Variants in CAMK1D observed in about 807,000 individuals in gnomAD.
The protein encoded by CAMK1D is calcium/calmodulin-dependent protein kinase type 1D.
CAMK1D carries 9 observed loss-of-function variants against 47.7 expected under a neutral mutation model. The ratio of observed to expected loss-of-function variants is 0.19; its 90% CI spans 0.11 to 0.33. CAMK1D has a LOEUF of 0.33. CAMK1D is among the 10% of genes least tolerant of loss of function. The pLI, the probability that CAMK1D is intolerant of heterozygous loss-of-function variation, is 1.00. For synonymous variants in CAMK1D, 184 were observed against 184.9 expected (o/e 0.99, Z 0.04); for missense variants, 291 against 488.7 (o/e 0.60, Z 3.81).
rs554696737 is a variant in CAMK1D, at chr10:12,745,728, G to A, written c.300-15220G>A. Among the ~76,000 whole-genome samples, 7 of 151,418 alleles carry A rather than the reference G, an allele frequency of 4.6e-5. No individual in the cohort carries two copies. In the South Asian group the frequency reaches 6.3e-4, roughly 14 times the overall value. On this transcript the variant is annotated intron_variant, in intron 3 of 10. Coordinates refer to ENST00000619168, the MANE Select transcript of CAMK1D (RefSeq NM_153498.4). ...AACGATTCTCCTGTCTCGGCCTCCCGAGTAGCTGGGATTACAGGTGCCCGC... is the reference window on the plus strand; with the variant it reads ...AACGATTCTCCTGTCTCGGCCTCCCAAGTAGCTGGGATTACAGGTGCCCGC...
chr10:12,546,594 A>G (rs1836379022), intron 1 of CAMK1D, among the ~76,000 whole-genome samples: 2 of 152,118 alleles, frequency 1.3e-5, no homozygotes, highest in Non-Finnish European at 2.9e-5. Flanking sequence ...GATTAAGAAA[A>G]TGTGGCACAT....
intron 1 of CAMK1D, among the ~76,000 whole-genome samples, chr10:12,395,992 G>A (rs564186356): frequency 1.3e-5 from 2 of 151,220 alleles, no homozygotes; most frequent in South Asian, 4.3e-4. Flanking sequence ...TCCTGCCTCA[G>A]CCTCCCGAGT....
At chr10:12,508,486 T>TG (rs1308114204) in intron 1 of CAMK1D, among the ~76,000 whole-genome samples, 1 of 152,092 alleles carries the variant, frequency 6.6e-6, no homozygotes, top group Non-Finnish European at 1.5e-5. Context: ...TACCAGGGAC[T>TG]GGGGGGAAGG....
At chr10:12,694,509 A>ATATAAAATATATATGATATATATTATG (rs1174224363) in intron 3 of CAMK1D, among the ~76,000 whole-genome samples, 1 of 78,930 alleles carries the variant, frequency 1.3e-5, no homozygotes, top group Non-Finnish European at 2.3e-5. Context: ...AATATATATT[A>ATATAAAATATATATGATATATATTATG]TATAAAATAT....
intron 2 of CAMK1D, among the ~76,000 whole-genome samples, chr10:12,584,831 A>G (rs1837768576): frequency 6.6e-6 from 1 of 152,060 alleles, no homozygotes; most frequent in Admixed American, 6.5e-5. Context: ...AGAAAAAAGA[A>G]AAAGAAAGGC....
At chr10:12,546,704 G>A (rs946142457) in intron 1 of CAMK1D, among the ~76,000 whole-genome samples, 3 of 151,154 alleles carry the variant, frequency 2.0e-5, no homozygotes, top group Admixed American at 6.6e-5. Flanking sequence ...GCAAACTATC[G>A]CAAGGACAGA....
chr10:12,564,435 A>C (rs1837060495), intron 2 of CAMK1D, among the ~76,000 whole-genome samples: 1 of 152,142 alleles, frequency 6.6e-6, no homozygotes, highest in South Asian at 2.1e-4. Flanking sequence ...TGTGTATTTT[A>C]AGTTGTATGT....
chr10:12,447,796 C>T (rs59480301), intron 1 of CAMK1D, among the ~76,000 whole-genome samples: 1,694 of 151,386 alleles, frequency 0.011, 47 homozygotes, highest in East Asian at 0.093. Flanking sequence ...TCCTGAGTAA[C>T]GAGGACTACA....
intron 5 of CAMK1D, among the ~76,000 whole-genome samples, chr10:12,786,729 C>A (rs1399415523): frequency 6.6e-6 from 1 of 152,180 alleles, no homozygotes; most frequent in Non-Finnish European, 1.5e-5. Flanking sequence ...GCCCAGGAAC[C>A]TTTTCTTAAC....
At chr10:12,647,690 C>G (rs1350918010) in intron 2 of CAMK1D, among the ~76,000 whole-genome samples, 1 of 152,164 alleles carries the variant, frequency 6.6e-6, no homozygotes, top group Non-Finnish European at 1.5e-5. Flanking sequence ...TCTGTCCTGG[C>G]CATGAGCCAG....
chr10:12,504,239 CACACACACACAT>C (rs1834800352), intron 1 of CAMK1D, among the ~76,000 whole-genome samples: 1 of 151,860 alleles, frequency 6.6e-6, no homozygotes, highest in African/African-American at 2.4e-5. Context: ...CACACACACA[CACACACACACAT>C]CTAGGAGCTG....
chr10:12,806,758 A>G (rs772511357), intron 6 of CAMK1D, among the ~76,000 whole-genome samples: 10 of 152,190 alleles, frequency 6.6e-5, no homozygotes, highest in Non-Finnish European at 1.3e-4. Flanking sequence ...GCTGGCACAC[A>G]AAAAGAAGTG....
rs374106787 is a variant in CAMK1D at position 12,377,437 on chromosome 10, G to A, written c.92+27527G>A. 6.6e-5 allele frequency among the ~76,000 whole-genome samples: 10 copies of A among 152,332 alleles called. No homozygotes were observed. In the East Asian group the frequency reaches 1.5e-3, roughly 24 times the overall value. ...GATGTTGTCCTGGTCACTTAAGCAG[G>A]TGAGTGAGCAGAACAGATATTCTTT... On this transcript the variant is annotated intron_variant, in intron 1 of 10. Coordinates refer to ENST00000619168, the MANE Select transcript of CAMK1D (RefSeq NM_153498.4).
intron 3 of CAMK1D, among the ~76,000 whole-genome samples, chr10:12,681,912 G>A (rs1159029147): frequency 2.0e-5 from 3 of 152,178 alleles, no homozygotes; most frequent in Non-Finnish European, 4.4e-5. Flanking sequence ...AATGATGAGA[G>A]CTTAAATGAT....
chr10:12,553,038 G>T (rs2815629), intron 1 of CAMK1D, among the ~76,000 whole-genome samples, 187 bp from the exon 2 acceptor site: 7 of 152,350 alleles, frequency 4.6e-5, no homozygotes, highest in East Asian at 1.9e-4. Flanking sequence ...CCACTGCGCC[G>T]GGCTGCCCCT....
At chr10:12,720,248 A>G (rs989918686) in intron 3 of CAMK1D, among the ~76,000 whole-genome samples, 7 of 152,214 alleles carry the variant, frequency 4.6e-5, no homozygotes, top group Non-Finnish European at 1.0e-4. Context: ...GGTATAAAAG[A>G]ACCCAGCCTG....
intron 3 of CAMK1D, chr10:12,725,167 C>T (rs908775065): frequency 6.5e-6 from 1 of 153,868 alleles, no homozygotes; most frequent in African/African-American, 2.4e-5. Context: ...GGTACCTGCC[C>T]ACATTGCCAC....
chr10:12,522,823 AGGCGCCCCCCACCTCCCTCCCGGACAGG>A (rs1564389358), intron 1 of CAMK1D, among the ~76,000 whole-genome samples: 4 of 53,512 alleles, frequency 7.5e-5, no homozygotes, highest in African/African-American at 2.9e-4. Flanking sequence ...GGCCGGGCGG[AGGCGCCCCCCACCTCCCTCCCGGACAGG>A]GCGGCTGGCC....
At chr10:12,352,061 T>A (rs950031470) in intron 1 of CAMK1D, among the ~76,000 whole-genome samples, 13 of 152,176 alleles carry the variant, frequency 8.5e-5, no homozygotes, top group African/African-American at 2.9e-4. Flanking sequence ...AATCTCAGAG[T>A]AACCTTATGA....
Sources: gnomAD v4.1 joint callset for allele counts (sites outside exome capture counted in the v4.1 genomes callset) on GRCh38, gnomAD v4.1.1 for gene constraint, MANE v1.5 for transcripts, NCBI Gene and HGNC (gene_info 2026-07-23, HGNC 2026-07-21) for gene names.